The following PRKN variants were observed in gnomAD, a reference collection of about 807,000 sequenced individuals.
The protein encoded by PRKN is E3 ubiquitin-protein ligase parkin.
In PRKN, 56 loss-of-function variants were observed where a neutral mutation model predicts 59.5. That is an observed-to-expected ratio of 0.94 (90% CI 0.76 to 1.18). The LOEUF (loss-of-function observed/expected upper bound fraction) is 1.18, where lower values mean the gene tolerates loss of function less well. Ranked by LOEUF, PRKN falls within the 50% of genes most tolerant of loss-of-function variation. The probability of loss-of-function intolerance (pLI) is 0.00; values close to 1 mark genes in which losing one functional copy is unlikely to be tolerated. For missense variants in PRKN, 657 were observed against 596.4 expected (o/e 1.10, Z -1.06); for synonymous variants, 250 against 222.1 (o/e 1.13, Z -1.12).
intron 1 of PRKN, among the ~76,000 whole-genome samples, chr6:162,567,107 A>T (rs181495487): frequency 1.3e-3 from 200 of 152,272 alleles, no homozygotes; most frequent in South Asian, 0.011. Flanking sequence ...AAAGGAACAC[A>T]TCTCAACATA....
chr6:161,636,876 T>A (rs1289506379), intron 7 of PRKN, among the ~76,000 whole-genome samples: 1 of 152,086 alleles, frequency 6.6e-6, no homozygotes, highest in Non-Finnish European at 1.5e-5. Context: ...CGGCCGCACG[T>A]CAACAGCTGT....
chr6:162,027,153 G>C (rs997845464), intron 5 of PRKN, among the ~76,000 whole-genome samples: 6 of 152,060 alleles, frequency 3.9e-5, no homozygotes. Flanking sequence ...CAAAACCCAT[G>C]TCAATCGTTA....
chr6:162,075,022 G>A (rs927376709), intron 4 of PRKN, among the ~76,000 whole-genome samples: 30 of 152,072 alleles, frequency 2.0e-4, no homozygotes, highest in African/African-American at 5.8e-4. Context: ...CACTCTTAAC[G>A]GATTTAATTT....
chr6:161,617,067 A>G (rs552037032), intron 7 of PRKN, among the ~76,000 whole-genome samples: 1 of 152,268 alleles, frequency 6.6e-6, no homozygotes, highest in African/African-American at 2.4e-5. Flanking sequence ...CCTCTCCAGC[A>G]TCTGTTGTTT....
At chr6:161,443,006 G>A (rs1027707218) in intron 9 of PRKN, among the ~76,000 whole-genome samples, 5 of 152,060 alleles carry the variant, frequency 3.3e-5, no homozygotes, top group Non-Finnish European at 5.9e-5. Context: ...AAATGAGTAG[G>A]GATTAGAATC....
chr6:162,002,968 G>A lies in PRKN; in HGVS notation c.619-29551C>T, dbSNP rs115742365. Among the ~76,000 whole-genome samples, 768 of 152,086 alleles carry A rather than the reference G, an allele frequency of 5.0e-3. 10 individuals are homozygous for A. Among genetic ancestry groups the A allele is most frequent in the African/African-American group, 0.018 (748 of 41,480 alleles). On this transcript the variant is annotated intron_variant, in intron 5 of 11. Transcript: ENST00000366898. Reference sequence around the variant, plus strand: ...ATTATAGTGTAATTCCACTGTAGTCGAGAGCAAATATTCTATGATTTCTAT... The same window carrying A: ...ATTATAGTGTAATTCCACTGTAGTCAAGAGCAAATATTCTATGATTTCTAT...
intron 1 of PRKN, among the ~76,000 whole-genome samples, chr6:162,619,332 G>A (rs776117008): frequency 6.7e-6 from 1 of 149,274 alleles, no homozygotes; most frequent in Admixed American, 6.8e-5. Context: ...TTTTTTAGTA[G>A]AGATGGGGTT....
In PRKN at chr6:162,475,942, G is replaced by A. The variant is rs145145460; in HGVS notation, c.8-32469C>T. 3.4e-5 allele frequency among the ~76,000 whole-genome samples: 5 copies of A among 148,092 alleles called. No homozygotes were observed. The South Asian group carries it at 1.1e-3, about 32-fold the overall frequency. On this transcript the variant is annotated intron_variant, in intron 1 of 11. Transcript: ENST00000366898. ...AATTTTTGTATTTTTAGTAGAGACAGGGTTTCACCATGTTGGACAGGATGG... is the reference window on the plus strand; with the variant it reads ...AATTTTTGTATTTTTAGTAGAGACAAGGTTTCACCATGTTGGACAGGATGG...
At chr6:161,710,881 TTCTCTC>T (rs1786718200) in intron 7 of PRKN, among the ~76,000 whole-genome samples, 7 of 120,102 alleles carry the variant, frequency 5.8e-5, no homozygotes, top group Admixed American at 3.1e-4. Context: ...CCTTCCTTCC[TTCTCTC>T]CCTCCCTTTC....
In PRKN at chr6:162,248,125, G is replaced by GA. The variant is rs567244176; in HGVS notation, c.412+14399dup. On this transcript the variant is annotated intron_variant, in intron 3 of 11. Coordinates refer to ENST00000366898, the MANE Select transcript of PRKN (RefSeq NM_004562.3). ...ATTTCTTAATCACCTCCCCACTACA[G>GA]AAGAGCTATGGAATGAGCTGTCAAA... 5.1e-3 allele frequency among the ~76,000 whole-genome samples: 772 copies of GA among 152,234 alleles called. 11 individuals are homozygous for GA. Among genetic ancestry groups the GA allele is most frequent in the African/African-American group, 0.018 (742 of 41,544 alleles).
intron 9 of PRKN, among the ~76,000 whole-genome samples, chr6:161,404,252 T>G (rs1344286708): frequency 6.6e-6 from 1 of 152,174 alleles, no homozygotes; most frequent in African/African-American, 2.4e-5. Flanking sequence ...ATCTAAGTAC[T>G]TGGCCCTGAG....
At chr6:162,334,980 A>C (rs1213146204) in intron 2 of PRKN, among the ~76,000 whole-genome samples, 1 of 152,076 alleles carries the variant, frequency 6.6e-6, no homozygotes, top group Non-Finnish European at 1.5e-5. Flanking sequence ...CAATCTCATT[A>C]CTTGAATGGA....
chr6:161,632,557 C>T (rs1471573164), intron 7 of PRKN, among the ~76,000 whole-genome samples: 11 of 152,062 alleles, frequency 7.2e-5, no homozygotes, highest in Non-Finnish European at 1.5e-5. Flanking sequence ...AAAATAAATC[C>T]AGTTGTCTGA....
intron 6 of PRKN, among the ~76,000 whole-genome samples, chr6:161,790,484 T>C (rs1332688381): frequency 6.6e-6 from 1 of 152,118 alleles, no homozygotes; most frequent in Non-Finnish European, 1.5e-5. Context: ...AAAATCCTTA[T>C]CTCCAAAATG....
chr6:162,569,786 G>C, intron 1 of PRKN: 1 of 487,490 alleles, frequency 2.1e-6, no homozygotes, highest in South Asian at 2.0e-5. Context: ...GAGCCTGGGA[G>C]GGAGGCTGCT....
intron 6 of PRKN, among the ~76,000 whole-genome samples, chr6:161,885,664 C>CA (rs57209835): frequency 0.02 from 2,265 of 114,002 alleles, 33 homozygotes; most frequent in Non-Finnish European, 0.03. Context: ...GACTCTGTCT[C>CA]AAAAAAAAAA....
chr6:161,569,201 A>G (rs1191991162), intron 8 of PRKN, among the ~76,000 whole-genome samples, 154 bp downstream of exon 8: 1 of 152,234 alleles, frequency 6.6e-6, no homozygotes, highest in Non-Finnish European at 1.5e-5. Flanking sequence ...AGAGGAAAAA[A>G]GTGTCCTCAC....
At chr6:162,603,970 C>T (rs547346866) in intron 1 of PRKN, among the ~76,000 whole-genome samples, 39 of 152,174 alleles carry the variant, frequency 2.6e-4, no homozygotes, top group African/African-American at 9.2e-4. Flanking sequence ...CTTAACACTG[C>T]GAGGATGGAT....
chr6:161,796,073 G>T (rs768668837), intron 6 of PRKN, among the ~76,000 whole-genome samples: 9 of 152,056 alleles, frequency 5.9e-5, no homozygotes, highest in Non-Finnish European at 1.0e-4. Flanking sequence ...GGGTTCCATT[G>T]TTTACAACAT....
Sources: gnomAD v4.1 joint callset for allele counts (sites outside exome capture counted in the v4.1 genomes callset) on GRCh38, gnomAD v4.1.1 for gene constraint, MANE v1.5 for transcripts, NCBI Gene and HGNC (gene_info 2026-07-23, HGNC 2026-07-21) for gene names.